IDH3A: variants seen among roughly 807,000 people sequenced by gnomAD.
IDH3A encodes isocitrate dehydrogenase (NAD(+)) 3 catalytic subunit alpha, also known as isocitrate dehydrogenase [NAD] subunit alpha, mitochondrial.
Under a neutral mutation model 43.3 loss-of-function variants are expected in IDH3A, and 23 were observed. The observed-to-expected ratio is 0.53, with a 90% CI of 0.38 to 0.75. IDH3A has a LOEUF of 0.75. Among genes scored for constraint, IDH3A ranks in the 30% least tolerant of loss-of-function variants. The pLI is 0.00. For missense variants in IDH3A, 329 were observed against 474.4 expected, an observed-to-expected ratio of 0.69 and a Z score of 2.85; for synonymous variants, 154 against 163.5, an observed-to-expected ratio of 0.94 and a Z score of 0.44.
In IDH3A at chr15:78,171,169, C is replaced by G; in HGVS notation, c.*2164C>G. 1 of 282,314 alleles carries G rather than the reference C, an allele frequency of 3.5e-6. No individual in the cohort carries two copies. Among genetic ancestry groups the G allele is most frequent in the Non-Finnish European group, 6.8e-6 (1 of 147,620 alleles). The allele number at this position is 282,314 out of a possible 1,614,324, so 17.5% of individuals were successfully genotyped here. A position where few individuals can be genotyped will look rare whatever the true frequency, so the allele number is the denominator to read the frequency against. ...GGAACTAAGGCCAAAAATTATCAGC[C>G]CTTTCGTTCTGGAAGGAGAGCTGAT... On this transcript the variant is annotated 3_prime_UTR_variant, in exon 11 of 11. Transcript: ENST00000299518.
chr15:78,163,583 A>C lies in IDH3A; in HGVS notation c.688A>C (p.Met230Leu). 1 of 1,608,936 alleles carries C rather than the reference A, an allele frequency of 6.2e-7. No homozygotes were observed. The highest frequency in any genetic ancestry group is 2.2e-5 in the East Asian group (1 of 44,822). Residue 230 changes from methionine to leucine, a missense_variant, in exon 7 of 11, where the codon ATG becomes CTG. Around this residue, in one of 3 missense-constraint regions of IDH3A, gnomAD observed 212 missense variants for 345.5 expected, o/e 0.61. Transcript: ENST00000299518. Reference protein sequence around the residue: ...ESCKDIKFNEMYLDTVCLNMV... With the variant: ...ESCKDIKFNELYLDTVCLNMV... ...CTGTAAAGATATTAAATTTAATGAG[A>C]TGTACCTTGATACAGTATGTTTGAA...
At position 78,164,961 on chromosome 15, in the gene IDH3A, A is replaced by G. The variant is rs778662791; in HGVS notation, c.780-31A>G. 3.2e-5 allele frequency: 50 copies of G among 1,573,774 alleles called. No individual in the cohort carries two copies. In the Admixed American group the frequency reaches 8.2e-4, roughly 26 times the overall value. On this transcript the variant is annotated intron_variant, in intron 8 of 10. Transcript: ENST00000299518. ...CTAGGTGAGATGTTTTATTTTTAAAAACATTCTTTGAAATGCTTTTCTTCC... is the reference window on the plus strand; with the variant it reads ...CTAGGTGAGATGTTTTATTTTTAAAGACATTCTTTGAAATGCTTTTCTTCC...
intron 10 of IDH3A, 113 bp downstream of exon 10, chr15:78,166,415 G>A (rs1353609637): frequency 1.9e-6 from 2 of 1,073,612 alleles, no homozygotes; most frequent in African/African-American, 3.1e-5. Flanking sequence ...CCAAGCATTT[G>A]ATGTTGAACA....
chr15:78,169,223 G>A lies in IDH3A; in HGVS notation c.*218G>A, dbSNP rs1035327330. ...TCCAAGTGCTTGTTTTATTTATTAA[G>A]TGTCTACCTGGTAAATGTTTTTTTT... On this transcript the variant is annotated 3_prime_UTR_variant, in exon 11 of 11. Coordinates refer to ENST00000299518, the MANE Select transcript of IDH3A (RefSeq NM_005530.3). The A allele has an allele frequency of 3.0e-5, 11 of 360,880 alleles. No homozygotes were observed. The highest frequency in any genetic ancestry group is 2.0e-4 in the South Asian group (2 of 10,254). The allele number at this position is 360,880 out of a possible 1,614,324, so 22.4% of individuals were successfully genotyped here.
At position 78,162,317 on chromosome 15, in the gene IDH3A, C is replaced by T. The variant is rs757749565; in HGVS notation, c.561C>T (p.Ala187=). ...KRIAEFAFEY[A]RNNHRSNVTA... ...TTGCTGAGTTTGCCTTTGAGTATGC[C>T]CGGAACAACCACCGGAGCAACGTCA... is the stretch of plus-strand genomic sequence containing the variant. The change falls in exon 6 of 11, where the codon GCC becomes GCT. Residue 187 remains alanine, a synonymous_variant. Coordinates refer to ENST00000299518, the MANE Select transcript of IDH3A (RefSeq NM_005530.3). 4 of 1,614,084 alleles carry T rather than the reference C, an allele frequency of 2.5e-6. No individual in the cohort carries two copies. The South Asian group carries it at 3.3e-5, about 13-fold the overall frequency.
intron 5 of IDH3A, among the ~76,000 whole-genome samples, chr15:78,162,012 C>T (rs111693933): frequency 2.0e-5 from 3 of 152,214 alleles, no homozygotes. Flanking sequence ...ATGACTGTCT[C>T]TGCATCTCAG....
chr15:78,161,271 CTTATT>C lies in IDH3A; in HGVS notation c.290-307_290-303del, dbSNP rs568133138. On this transcript the variant is annotated intron_variant, in intron 4 of 10. Transcript: ENST00000299518. The surrounding 1 kb of genome is among the most constrained non-coding windows in gnomAD (Gnocchi z 4.8). Reference sequence around the variant, plus strand: ...AGAAGGCTTGGGCAAATTTTTTATTCTTATTTTTTCTTTTTTCGTCATTTTTAAAT... The same window carrying C: ...AGAAGGCTTGGGCAAATTTTTTATTCTTTTCTTTTTTCGTCATTTTTAAAT... Among the ~76,000 whole-genome samples, 278 of 152,310 alleles carry C rather than the reference CTTATT, an allele frequency of 1.8e-3. 2 individuals are homozygous for C. The highest frequency in any genetic ancestry group is 3.4e-3 in the Middle Eastern group (1 of 294).
chr15:78,152,049 A>AT (rs574440056), intron 1 of IDH3A, among the ~76,000 whole-genome samples: 698 of 65,786 alleles, frequency 0.011, 24 homozygotes, highest in African/African-American at 0.013. Flanking sequence ...ACTCATGTCA[A>AT]TTTTTTTTTT....
rs2074706117 is a variant in IDH3A at position 78,163,594 on chromosome 15, T to C, written c.699T>C (p.Asp233=). 1 of 1,603,234 alleles carries C rather than the reference T, an allele frequency of 6.2e-7. No individual in the cohort carries two copies. Among genetic ancestry groups the C allele is most frequent in the Non-Finnish European group, 8.5e-7 (1 of 1,170,256 alleles). The change falls in exon 7 of 11, where the codon GAT becomes GAC. Residue 233 remains aspartate, a synonymous_variant. Coordinates refer to ENST00000299518, the MANE Select transcript of IDH3A (RefSeq NM_005530.3). Reference sequence around the variant, plus strand: ...TTAAATTTAATGAGATGTACCTTGATACAGTATGTTTGAATGTAAGTATAT... The same window carrying C: ...TTAAATTTAATGAGATGTACCTTGACACAGTATGTTTGAATGTAAGTATAT... ...KDIKFNEMYL[D]TVCLNMVQDP...
intron 3 of IDH3A, chr15:78,159,887 C>T (rs897492638): frequency 6.1e-6 from 3 of 489,134 alleles, no homozygotes; most frequent in South Asian, 2.5e-5. Context: ...CCCAGCTACT[C>T]AGGAGGCTGA....
In IDH3A at chr15:78,171,448, ATTT is replaced by A; in HGVS notation, c.*2447_*2449del. On this transcript the variant is annotated 3_prime_UTR_variant, in exon 11 of 11. Coordinates refer to ENST00000299518, the MANE Select transcript of IDH3A (RefSeq NM_005530.3). Reference sequence around the variant, plus strand: ...AACTGCAGGCATAGGCCCTGATTACATTTTTTGCTCTTGGTAAAAGGAGTCAAT... The same window carrying A: ...AACTGCAGGCATAGGCCCTGATTACATTTGCTCTTGGTAAAAGGAGTCAAT... The A allele has an allele frequency of 6.2e-7, 1 of 1,613,876 alleles. No homozygotes were observed. Among genetic ancestry groups the A allele is most frequent in the Non-Finnish European group, 8.5e-7 (1 of 1,179,812 alleles).
At chr15:78,162,100 AGT>A (rs1330792476) in intron 5 of IDH3A, 132 bp from the exon 6 acceptor site, 3 of 838,434 alleles carry the variant, frequency 3.6e-6, no homozygotes, top group Middle Eastern at 2.3e-4. Flanking sequence ...TTGTCGTAGC[AGT>A]GTGTGTGATT....
rs17674205 is a variant in IDH3A at position 78,169,115 on chromosome 15, A to C, written c.*110A>C. On this transcript the variant is annotated 3_prime_UTR_variant, in exon 11 of 11. Transcript: ENST00000299518. ...TGGTTTGCTTGTTTCTTGACAGTAC[A>C]TTTTTAGATCTGGCCTTTTCTTAAC... is the stretch of plus-strand genomic sequence containing the variant. 3 of 606,614 alleles carry C rather than the reference A, an allele frequency of 4.9e-6. No individual in the cohort carries two copies. The highest frequency in any genetic ancestry group is 2.8e-5 in the Admixed American group (1 of 35,554). The allele number at this position is 606,614 out of a possible 1,614,324, so 37.6% of individuals were successfully genotyped here. A position where few individuals can be genotyped will look rare whatever the true frequency, so the allele number is the denominator to read the frequency against.
At chr15:78,152,353 C>T (rs1471679548) in intron 1 of IDH3A, among the ~76,000 whole-genome samples, 3 of 136,192 alleles carry the variant, frequency 2.2e-5, no homozygotes, top group East Asian at 4.2e-4. Flanking sequence ...GCACTGCGCC[C>T]GGCCTTTTTT....
At chr15:78,163,484 A>G (rs757979680) in intron 6 of IDH3A, 23 bp from the exon 7 acceptor site, 17 of 1,498,356 alleles carry the variant, frequency 1.1e-5, no homozygotes, top group Non-Finnish European at 1.3e-5. Context: ...TTTTTTCAGC[A>G]GTTTTTATTT....
chr15:78,161,851 C>A lies in IDH3A; in HGVS notation c.477+83C>A. On this transcript the variant is annotated intron_variant, in intron 5 of 10. Coordinates refer to ENST00000299518, the MANE Select transcript of IDH3A (RefSeq NM_005530.3). This position sits in a 1 kb window ranked among gnomAD's most constrained non-coding sequence, Gnocchi z 4.8. ...GACCCCAGAGACAGATCTGCTTTAT[C>A]TCTGTGAGGAGTTGTGGGTGTTTGT... 8.3e-7 allele frequency: 1 copy of A among 1,209,716 alleles called. No homozygotes were observed. Among genetic ancestry groups the A allele is most frequent in the Non-Finnish European group, 1.2e-6 (1 of 833,706 alleles). The allele number at this position is 1,209,716 out of a possible 1,614,324, so 74.9% of individuals were successfully genotyped here. A position where few individuals can be genotyped will look rare whatever the true frequency, so the allele number is the denominator to read the frequency against.
chr15:78,154,963 A>C, intron 1 of IDH3A: 1 of 348,986 alleles, frequency 2.9e-6, no homozygotes, highest in Admixed American at 4.6e-5. Flanking sequence ...TTTATTTGAC[A>C]ACTTATATTC....
In IDH3A at chr15:78,171,613, C is replaced by T. The variant is rs1210657435; in HGVS notation, c.*2608C>T. 9.0e-7 allele frequency: 1 copy of T among 1,112,566 alleles called. No homozygotes were observed. Among genetic ancestry groups the T allele is most frequent in the Admixed American group, 1.9e-5 (1 of 52,622 alleles). 68.9% of individuals were successfully genotyped at this position (1,112,566 alleles called of 1,614,324 possible). On this transcript the variant is annotated 3_prime_UTR_variant, in exon 11 of 11. Transcript: ENST00000299518. ...GTGTGGTAAAGACTCACACTCAGTC[C>T]TATATATAACTCAGGAATTAAGCCA...
rs1384133905 is a variant in IDH3A, at chr15:78,162,369, T to G, written c.611+2T>G. ...GGCGGTGCACAAAGCCAACATCATG[T>G]GAGCTCCTTGCGGGGGCCGGCACCC... On this transcript the variant is annotated splice_donor_variant, in intron 6 of 10. Transcript: ENST00000299518. LOFTEE classifies it high-confidence loss of function. 4.3e-6 allele frequency: 7 copies of G among 1,613,768 alleles called. No individual in the cohort carries two copies. Among genetic ancestry groups the G allele is most frequent in the Non-Finnish European group, 5.9e-6 (7 of 1,179,788 alleles).
Sources: allele counts gnomAD v4.1 joint callset (sites outside exome capture counted in the v4.1 genomes callset), GRCh38; gene constraint gnomAD v4.1.1; regional missense constraint gnomAD v4.1.1; non-coding constraint Gnocchi (gnomAD v3.1); transcripts MANE v1.5; gene names NCBI Gene and HGNC (gene_info 2026-07-23, HGNC 2026-07-21).